The following TEX9 variants were observed in gnomAD, a reference collection of about 807,000 sequenced individuals.
TEX9 encodes testis-expressed protein 9.
In TEX9, 74 loss-of-function variants were observed where a neutral mutation model predicts 59.6. The observed-to-expected ratio is 1.24, with a 90% CI of 1.03 to 1.51. TEX9 has a LOEUF of 1.51. Ranked by LOEUF, TEX9 falls within the 40% of genes most tolerant of loss-of-function variation. The probability of loss-of-function intolerance (pLI) is 0.00; values close to 1 mark genes in which losing one functional copy is unlikely to be tolerated. For synonymous variants in TEX9, 186 were observed against 152.2 expected (o/e 1.22, Z -1.64); for missense variants, 522 against 447.8 (o/e 1.17, Z -1.49).
chr15:56,319,788 A>G (rs1265994512), intron 1 of TEX9, among the ~76,000 whole-genome samples: 1 of 152,192 alleles, frequency 6.6e-6, no homozygotes, highest in Non-Finnish European at 1.5e-5. Context: ...GGCCAAGAAA[A>G]TATTGTGAAT....
chr15:56,317,116 TCG>T (rs1370279992), intron 1 of TEX9, among the ~76,000 whole-genome samples: 3 of 152,330 alleles, frequency 2.0e-5, no homozygotes, highest in African/African-American at 7.2e-5. Flanking sequence ...GTCTTCTGCG[TCG>T]CTCACGCTGG....
chr15:56,309,696 T>TTG (rs1249795519), intron 1 of TEX9, among the ~76,000 whole-genome samples: 23 of 26,588 alleles, frequency 8.7e-4, no homozygotes, highest in Non-Finnish European at 1.7e-3. Flanking sequence ...ATGGGAAGTT[T>TTG]TTTTTTTTTT....
At chr15:56,444,707 C>G in intron 12 of TEX9, 1 of 1,503,432 alleles carries the variant, frequency 6.7e-7, no homozygotes, top group Non-Finnish European at 9.2e-7. Flanking sequence ...TTTCCGTTTT[C>G]AAATTTGAAC....
At chr15:56,451,027 T>A in the TEX9 span, among the ~76,000 whole-genome samples, 9 of 152,240 alleles carry the variant, frequency 5.9e-5, no homozygotes, top group Non-Finnish European at 1.2e-4. Flanking sequence ...TCACTCAACA[T>A]CTTCTTTAGA....
chr15:56,285,801 A>G (rs984063123), intron 1 of TEX9, among the ~76,000 whole-genome samples: 1 of 152,200 alleles, frequency 6.6e-6, no homozygotes, highest in Non-Finnish European at 1.5e-5. Context: ...TAGGCAACAT[A>G]AAAAATTATA....
intron 10 of TEX9, among the ~76,000 whole-genome samples, chr15:56,421,187 C>G (rs34597546): frequency 0.3 from 46,167 of 151,706 alleles, 8,017 homozygotes; most frequent in Middle Eastern, 0.47. Flanking sequence ...CCCTTTCAGT[C>G]TTAACAATTT....
intron 1 of TEX9, among the ~76,000 whole-genome samples, chr15:56,271,434 T>C (rs2044528832): frequency 1.3e-5 from 2 of 152,194 alleles, no homozygotes; most frequent in African/African-American, 4.8e-5. Context: ...AATCGGCTAC[T>C]GAAGCTTGTG....
At chr15:56,415,293 G>C (rs2049618050) in intron 10 of TEX9, among the ~76,000 whole-genome samples, 1 of 151,766 alleles carries the variant, frequency 6.6e-6, no homozygotes, top group African/African-American at 2.4e-5. Context: ...TTCTGTCTTT[G>C]TCGTGAAATC....
At chr15:56,374,652 A>G (rs1278595807) in intron 3 of TEX9, 3 of 152,086 alleles carry the variant, frequency 2.0e-5, no homozygotes, top group Admixed American at 6.6e-5. Context: ...CTTTCTGACT[A>G]TATATTTTTT....
intron 1 of TEX9, among the ~76,000 whole-genome samples, chr15:56,319,887 T>G (rs868404313): frequency 6.6e-6 from 1 of 152,148 alleles, no homozygotes; most frequent in Non-Finnish European, 1.5e-5. Context: ...ATGCAAAACA[T>G]AGGTTTGTTG....
intron 3 of TEX9, among the ~76,000 whole-genome samples, chr15:56,380,030 G>C (rs1567110175): frequency 6.6e-6 from 1 of 151,980 alleles, no homozygotes; most frequent in African/African-American, 2.4e-5. Context: ...TTTACATTCA[G>C]TGTTAATACT....
intron 1 of TEX9, among the ~76,000 whole-genome samples, chr15:56,346,336 A>G (rs1241465973): frequency 1.3e-5 from 2 of 152,146 alleles, no homozygotes; most frequent in African/African-American, 4.8e-5. Flanking sequence ...TTGCCAGAAT[A>G]AAGCTGTGTC....
At chr15:56,385,973 A>C (rs2047943018) in intron 4 of TEX9, among the ~76,000 whole-genome samples, 1 of 152,104 alleles carries the variant, frequency 6.6e-6, no homozygotes, top group East Asian at 1.9e-4. Flanking sequence ...ATATAGACAT[A>C]TATCCACGAA....
At chr15:56,436,562 C>T (rs1465809447) in intron 12 of TEX9, among the ~76,000 whole-genome samples, 1 of 152,054 alleles carries the variant, frequency 6.6e-6, no homozygotes, top group African/African-American at 2.4e-5. Context: ...GAACCAAGAG[C>T]AAACACATTC....
At chr15:56,421,955 G>A (rs553047684) in intron 10 of TEX9, among the ~76,000 whole-genome samples, 1 of 151,578 alleles carries the variant, frequency 6.6e-6, no homozygotes, top group Admixed American at 6.6e-5. Flanking sequence ...ATAGCAGCAT[G>A]ATTTATAGTC....
At chr15:56,402,414 A>G (rs1479489937) in intron 9 of TEX9, among the ~76,000 whole-genome samples, 1 of 152,220 alleles carries the variant, frequency 6.6e-6, no homozygotes, top group African/African-American at 2.4e-5. Flanking sequence ...CTGGACACAT[A>G]CACCCTCCCA....
At chr15:56,394,621 T>A (rs2048367769) in intron 8 of TEX9, 40 bp from the exon 9 acceptor site, 1 of 1,374,936 alleles carries the variant, frequency 7.3e-7, no homozygotes, top group Non-Finnish European at 1.0e-6. Context: ...TAACAAATCT[T>A]ACATATTTTT....
chr15:56,271,052 C>G (rs1596056203), intron 1 of TEX9, among the ~76,000 whole-genome samples: 2 of 152,298 alleles, frequency 1.3e-5, no homozygotes, highest in East Asian at 1.9e-4. Flanking sequence ...ACCTTTCTCT[C>G]TGGCTGCCCT....
intron 12 of TEX9, among the ~76,000 whole-genome samples, chr15:56,444,928 A>G (rs915790389): frequency 1.3e-5 from 2 of 152,028 alleles, no homozygotes; most frequent in African/African-American, 4.8e-5. Context: ...TAATAACTCC[A>G]CATTCAAAAA....
Sources: gnomAD v4.1 joint callset for allele counts (sites outside exome capture counted in the v4.1 genomes callset) on GRCh38, gnomAD v4.1.1 for gene constraint, MANE v1.5 for transcripts, NCBI Gene and HGNC (gene_info 2026-07-23, HGNC 2026-07-21) for gene names.